The following PPP2R2C variants were observed in gnomAD, a reference collection of about 807,000 sequenced individuals.
PPP2R2C encodes protein phosphatase 2, regulatory subunit B, gamma.
PPP2R2C carries 10 observed loss-of-function variants against 45.3 expected under a neutral mutation model. The ratio of observed to expected loss-of-function variants is 0.22; its 90% CI spans 0.14 to 0.37. The LOEUF (loss-of-function observed/expected upper bound fraction) is 0.37. Ranked by LOEUF, PPP2R2C falls within the 10% of genes least tolerant of loss-of-function variation. PPP2R2C has a pLI of 1.00. For synonymous variants in PPP2R2C, 257 were observed against 245.4 expected (o/e 1.05, Z -0.44); for missense variants, 308 against 619.7 (o/e 0.50, Z 5.34).
At chr4:6,339,195 G>A (rs141126823) in intron 6 of PPP2R2C, among the ~76,000 whole-genome samples, 92 of 152,376 alleles carry the variant, frequency 6.0e-4, no homozygotes, top group Middle Eastern at 3.4e-3. Flanking sequence ...AAGCCGCTGG[G>A]TACCTTCTCC....
intron 5 of PPP2R2C, chr4:6,349,029 TG>T (rs1712281445): frequency 2.0e-6 from 2 of 985,168 alleles, no homozygotes; most frequent in African/African-American, 3.5e-5. Flanking sequence ...CCCCAGCACC[TG>T]CTCTTTTCCT....
rs1721960859 is a variant in PPP2R2C, at chr4:6,472,472, C to A, written c.-243G>T. 3 of 264,822 alleles carry A rather than the reference C, an allele frequency of 1.1e-5. No homozygotes were observed. Among genetic ancestry groups the A allele is most frequent in the Non-Finnish European group, 1.7e-5 (3 of 174,382 alleles). 16.4% of individuals were successfully genotyped at this position (264,822 alleles called of 1,614,324 possible). A position where few individuals can be genotyped will look rare whatever the true frequency, so the allele number is the denominator to read the frequency against. The stretch of plus-strand genomic sequence containing the variant: ...GGGTTCGGGCGGGCCGGGGCCCAGG[C>A]GCGCATCCCGGCCGGCCCGTGCGCG... On this transcript the variant is annotated 5_prime_UTR_variant, in exon 1 of 9. Coordinates refer to ENST00000382599, the MANE Select transcript of PPP2R2C (RefSeq NM_020416.4).
chr4:6,560,094 C>G (rs1309374904), intron 1 of PPP2R2C, among the ~76,000 whole-genome samples: 1 of 152,230 alleles, frequency 6.6e-6, no homozygotes, highest in Non-Finnish European at 1.5e-5. Context: ...GAAGAGGCAT[C>G]CTGGGGCCCT....
At chr4:6,475,554 A>T (rs1275109355), upstream of PPP2R2C, among the ~76,000 whole-genome samples, 2 of 152,196 alleles carry the variant, frequency 1.3e-5, no homozygotes, top group African/African-American at 4.8e-5. Context: ...GTCAGACGGC[A>T]TGAGAATGAC....
At chr4:6,461,884 T>A (rs1346711212) in intron 1 of PPP2R2C, among the ~76,000 whole-genome samples, 1 of 152,132 alleles carries the variant, frequency 6.6e-6, no homozygotes, top group African/African-American at 2.4e-5. Context: ...TCCTGCCACA[T>A]CCCCATCATG....
At chr4:6,367,638 A>T (rs1714448776) in intron 5 of PPP2R2C, among the ~76,000 whole-genome samples, 1 of 151,994 alleles carries the variant, frequency 6.6e-6, no homozygotes, top group Non-Finnish European at 1.5e-5. Flanking sequence ...TCCTCTCATT[A>T]CTCGGCTGCT....
At chr4:6,424,411 C>G (rs1458580215) in intron 1 of PPP2R2C, among the ~76,000 whole-genome samples, 1 of 152,206 alleles carries the variant, frequency 6.6e-6, no homozygotes, top group Non-Finnish European at 1.5e-5. Flanking sequence ...GGCCCCTCTG[C>G]AGAGAGAGGA....
In PPP2R2C at chr4:6,384,163, C is replaced by T. The variant is rs915346259; in HGVS notation, c.71-3069G>A. The stretch of plus-strand genomic sequence containing the variant: ...CTGCCCTGGCCCAGGGACACCCAGA[C>T]ACATCTGGGCAGAAGCCAGAACCAC... On this transcript the variant is annotated intron_variant, in intron 1 of 8. Transcript: ENST00000382599. 3.2e-5 allele frequency: 32 copies of T among 985,286 alleles called. No homozygotes were observed. In the South Asian group the frequency reaches 1.4e-3, roughly 43 times the overall value. The allele number at this position is 985,286 out of a possible 1,614,324, so 61.0% of individuals were successfully genotyped here.
intron 8 of PPP2R2C, 110 bp from the exon 9 acceptor site, chr4:6,323,703 C>G (rs981132236): frequency 2.6e-6 from 3 of 1,151,824 alleles, no homozygotes; most frequent in East Asian, 5.5e-5. Context: ...TGGGAGGCCC[C>G]GGTGGGAGGA....
intron 1 of PPP2R2C, among the ~76,000 whole-genome samples, chr4:6,544,887 G>C (rs556926577): frequency 2.6e-5 from 4 of 152,324 alleles, no homozygotes; most frequent in African/African-American, 9.6e-5. Context: ...TTGATTCCAG[G>C]TTTATTTTGT....
intron 1 of PPP2R2C, among the ~76,000 whole-genome samples, chr4:6,466,240 A>G (rs7376591): frequency 0.99 from 150,302 of 152,298 alleles, 74,194 homozygotes; most frequent in Middle Eastern, 1. Flanking sequence ...CTCGCCTGCC[A>G]CACGTACCCC....
At chr4:6,421,854 C>T (rs1196681912) in intron 1 of PPP2R2C, among the ~76,000 whole-genome samples, 1 of 152,186 alleles carries the variant, frequency 6.6e-6, no homozygotes, top group Non-Finnish European at 1.5e-5. Flanking sequence ...TGTGAACAGG[C>T]CAGGTCTGCT....
intron 1 of PPP2R2C, among the ~76,000 whole-genome samples, chr4:6,418,215 G>A (rs1165190906): frequency 2.0e-5 from 3 of 152,138 alleles, no homozygotes; most frequent in Non-Finnish European, 4.4e-5. Context: ...TGACTAAAAC[G>A]TGGGGCTCAA....
At chr4:6,424,804 C>T (rs377552204) in intron 1 of PPP2R2C, among the ~76,000 whole-genome samples, 2 of 152,294 alleles carry the variant, frequency 1.3e-5, no homozygotes, top group African/African-American at 4.8e-5. Flanking sequence ...ACCTGGGACA[C>T]GTCACCTCAC....
chr4:6,488,174 T>C (rs1722586922), intron 2 of PPP2R2C, among the ~76,000 whole-genome samples: 1 of 152,246 alleles, frequency 6.6e-6, no homozygotes, highest in Non-Finnish European at 1.5e-5. Flanking sequence ...GATGACCTTG[T>C]CTGCTAATTT....
chr4:6,463,781 A>G (rs1721452947), intron 1 of PPP2R2C, among the ~76,000 whole-genome samples: 1 of 152,168 alleles, frequency 6.6e-6, no homozygotes, highest in Admixed American at 6.5e-5. Context: ...CAGTCCCTGG[A>G]CCACGTGTCC....
chr4:6,475,083 G>A (rs774670933), upstream of PPP2R2C, among the ~76,000 whole-genome samples: 10 of 152,232 alleles, frequency 6.6e-5, no homozygotes, highest in Admixed American at 2.0e-4. Context: ...CTCTGCTCTC[G>A]TGGAGCTGGC....
intron 5 of PPP2R2C, among the ~76,000 whole-genome samples, chr4:6,370,501 G>A (rs886691670): frequency 1.2e-4 from 18 of 152,260 alleles, no homozygotes; most frequent in African/African-American, 3.4e-4. Context: ...ACAGGAGTCC[G>A]GCCTGGCCAA....
chr4:6,476,521 A>T (rs1401954361), upstream of PPP2R2C, among the ~76,000 whole-genome samples: 1 of 152,128 alleles, frequency 6.6e-6, no homozygotes, highest in Non-Finnish European at 1.5e-5. Flanking sequence ...CTATCCACAA[A>T]TCAGGAAGCC....
Sources: allele counts gnomAD v4.1 joint callset (sites outside exome capture counted in the v4.1 genomes callset), GRCh38; gene constraint gnomAD v4.1.1; transcripts MANE v1.5; gene names NCBI Gene and HGNC (gene_info 2026-07-23, HGNC 2026-07-21).